The following CES4A variants were observed in gnomAD, a reference collection of about 807,000 sequenced individuals.
CES4A encodes carboxylesterase 4A.
A neutral mutation model predicts 65.4 loss-of-function variants in CES4A; 48 were observed. That is an observed-to-expected ratio of 0.73 (90% confidence interval 0.58 to 0.93). The LOEUF (loss-of-function observed/expected upper bound fraction) is 0.93. Ranked by LOEUF, CES4A falls within the 40% of genes least tolerant of loss-of-function variation. The pLI, the probability that CES4A is intolerant of heterozygous loss-of-function variation, is 0.00. For synonymous variants in CES4A, 247 were observed against 281.8 expected (o/e 0.88, Z 1.24); for missense variants, 685 against 728.5 (o/e 0.94, Z 0.69).
intron 1 of CES4A, among the ~76,000 whole-genome samples, 158 bp from the exon 2 acceptor site, chr16:66,995,470 C>A (rs1411956729): frequency 1.3e-5 from 2 of 152,148 alleles, no homozygotes; most frequent in African/African-American, 4.8e-5. Flanking sequence ...GACAGATGGG[C>A]CAGGGTCCCA....
intron 13 of CES4A, chr16:67,007,158 C>T (rs1186893236): frequency 3.6e-6 from 1 of 277,996 alleles, no homozygotes; most frequent in Non-Finnish European, 6.8e-6. Context: ...CACATAAAAT[C>T]AGGAAATTAC....
rs1380823095 is a variant in CES4A at position 67,000,764 on chromosome 16, G to A, written c.387G>A (p.Gly129=). 3 of 1,549,296 alleles carry A rather than the reference G, an allele frequency of 1.9e-6. No homozygotes were observed. The highest frequency in any genetic ancestry group is 1.8e-4 in the Middle Eastern group (1 of 5,430). Residue 129 remains glycine, a synonymous_variant, in exon 3 of 14, where the codon GGG becomes GGA. Coordinates refer to ENST00000648724, the Ensembl canonical transcript of CES4A. The surrounding 1 kb of genome is among the most constrained non-coding windows in gnomAD (Gnocchi z 4.2). Reference sequence around the variant, plus strand: ...TGTACGCGCCGGCGCGCGCGCCCGGGGATCCCCAGCTGCCAGTGAGTGCCA... The same window carrying A: ...TGTACGCGCCGGCGCGCGCGCCCGGAGATCCCCAGCTGCCAGTGAGTGCCA...
rs763155111 is a variant in CES4A at position 67,009,057 on chromosome 16, TG to T, written c.1604del (p.Gly535AlafsTer2). ...CTGCAGCTGGATTTTACCACAAGAG[TG>T]GGCATGAAGCTCAAGGAGAAGAAGA... On this transcript the variant is annotated frameshift_variant, in exon 14 of 14. Transcript: ENST00000648724. LOFTEE classifies it low-confidence loss of function (END_TRUNC). 1 of 1,613,928 alleles carries T rather than the reference TG, an allele frequency of 6.2e-7. No individual in the cohort carries two copies. The highest frequency in any genetic ancestry group is 1.1e-5 in the South Asian group (1 of 91,078).
chr16:67,007,194 G>C, intron 13 of CES4A: 1 of 201,704 alleles, frequency 5.0e-6, no homozygotes, highest in Non-Finnish European at 1.0e-5. Context: ...GAGCTGTACT[G>C]GGGGAGCACA....
Position 67,000,128 on chromosome 16 carries a change from A to G in CES4A, c.261-510A>G, listed in dbSNP as rs1965165165. Among the ~76,000 whole-genome samples, 1 of 152,188 alleles carries G rather than the reference A, an allele frequency of 6.6e-6. No individual in the cohort carries two copies. The highest frequency in any genetic ancestry group is 2.4e-5 in the African/African-American group (1 of 41,438). On this transcript the variant is annotated intron_variant, in intron 2 of 13. Coordinates refer to ENST00000648724, the Ensembl canonical transcript of CES4A. This position sits in a 1 kb window ranked among gnomAD's most constrained non-coding sequence, Gnocchi z 4.2. The stretch of plus-strand genomic sequence containing the variant: ...TTTTATTGATATATCATAGTTGTAC[A>G]TATTAGGGAAGATATGAAGAAGAGG...
intron 1 of CES4A, 74 bp downstream of exon 1, chr16:66,988,904 A>G (rs1389517039): frequency 2.7e-6 from 4 of 1,492,752 alleles, no homozygotes; most frequent in East Asian, 2.5e-5. Context: ...CCCCAGTTCA[A>G]CCTCTCCTGG....
chr16:67,005,830 C>A, intron 11 of CES4A: 1 of 169,948 alleles, frequency 5.9e-6, no homozygotes, highest in Non-Finnish European at 1.2e-5. Flanking sequence ...GCCTGGGCAA[C>A]AGAGCGAGAC....
intron 2 of CES4A, 77 bp downstream of exon 2, chr16:66,995,906 A>C: frequency 1.4e-4 from 181 of 1,326,408 alleles, no homozygotes; most frequent in Middle Eastern, 2.7e-4. Context: ...TGCACAGCTC[A>C]CTGAGAAGAA....
intron 1 of CES4A, among the ~76,000 whole-genome samples, chr16:66,994,297 C>T (rs1183204483): frequency 2.1e-5 from 3 of 146,218 alleles, no homozygotes; most frequent in East Asian, 2.2e-4. Context: ...AGTGCAGTGG[C>T]GCGATCTCGG....
At chr16:67,009,601 C>T in exon 14 of CES4A, 1 of 157,688 alleles carries the variant, frequency 6.3e-6, no homozygotes, top group Non-Finnish European at 1.4e-5. Context: ...GGCCTGGAGG[C>T]CTAGGGCAGG....
chr16:67,006,209 A>G (rs1387020800), intron 11 of CES4A, 182 bp from the exon 12 acceptor site: 5 of 600,890 alleles, frequency 8.3e-6, no homozygotes, highest in Non-Finnish European at 1.5e-5. Context: ...TCAGAAAGGT[A>G]GAGCAACTTG....
At chr16:67,004,637 G>A (rs1351641814) in intron 9 of CES4A, among the ~76,000 whole-genome samples, 156 bp from the exon 10 acceptor site, 7 of 152,118 alleles carry the variant, frequency 4.6e-5, no homozygotes, top group Admixed American at 3.9e-4. Context: ...TGGGAGCAGG[G>A]GGACAAGAGA....
chr16:66,988,637 C>A, exon 1 of CES4A: 1 of 1,495,238 alleles, frequency 6.7e-7, no homozygotes, highest in Non-Finnish European at 8.9e-7. Flanking sequence ...TTCCTCCCGC[C>A]CCAGTACTTG....
chr16:67,002,111 G>A (rs996030889), intron 5 of CES4A, among the ~76,000 whole-genome samples: 1 of 152,132 alleles, frequency 6.6e-6, no homozygotes, highest in African/African-American at 2.4e-5. Flanking sequence ...ATAAAGAAAC[G>A]AAGGCCCAGA....
chr16:66,999,135 G>T (rs1441084095), intron 2 of CES4A, among the ~76,000 whole-genome samples: 1 of 152,220 alleles, frequency 6.6e-6, no homozygotes, highest in African/African-American at 2.4e-5. Context: ...TGCTGCCAAA[G>T]GAGTGTTGGA....
Position 67,000,478 on chromosome 16 carries a change from G to C in CES4A, c.261-160G>C, listed in dbSNP as rs545224793. The C allele has an allele frequency of 1.3e-5, 19 of 1,423,134 alleles. No individual in the cohort carries two copies. The highest frequency in any genetic ancestry group is 1.6e-5 in the Non-Finnish European group (18 of 1,092,072). The allele number at this position is 1,423,134 out of a possible 1,614,324, so 88.2% of individuals were successfully genotyped here. On this transcript the variant is annotated intron_variant, in intron 2 of 13. Transcript: ENST00000648724. This position sits in a 1 kb window ranked among gnomAD's most constrained non-coding sequence, Gnocchi z 4.2. ...CTGCCTCCCAGTCCTGGGCCCCGGG[G>C]CTGGCGGAGGCCTCCTGTACACGCA... is the stretch of plus-strand genomic sequence containing the variant.
intron 2 of CES4A, among the ~76,000 whole-genome samples, chr16:66,998,476 C>G (rs574391791): frequency 2.0e-5 from 3 of 152,218 alleles, no homozygotes; most frequent in African/African-American, 4.8e-5. Context: ...GTAGTCCTAG[C>G]TACTTGGGAG....
Position 67,001,015 on chromosome 16 carries a change from A to G in CES4A, c.536+25A>G. On this transcript the variant is annotated intron_variant, in intron 4 of 13. Transcript: ENST00000648724. The surrounding 1 kb of genome is among the most constrained non-coding windows in gnomAD (Gnocchi z 4.1). The stretch of plus-strand genomic sequence containing the variant: ...GGTGGCGGGGCCGGTACCCTTTGGG[A>G]CCGCAGCTGTGGCCAGAGCGGCGGG... 1.3e-6 allele frequency: 2 copies of G among 1,483,712 alleles called. No homozygotes were observed. The highest frequency in any genetic ancestry group is 3.7e-5 in the Admixed American group (2 of 54,794). 91.9% of individuals were successfully genotyped at this position (1,483,712 alleles called of 1,614,324 possible).
exon 14 of CES4A, chr16:67,008,990 A>T (rs1275815656): frequency 6.2e-7 from 1 of 1,613,550 alleles, no homozygotes; most frequent in South Asian, 1.1e-5. Context: ...CAATGATGGG[A>T]ATCTGCCCTG....
Sources: allele counts gnomAD v4.1 joint callset (sites outside exome capture counted in the v4.1 genomes callset), GRCh38; gene constraint gnomAD v4.1.1; non-coding constraint Gnocchi (gnomAD v3.1); transcripts MANE v1.5; gene names NCBI Gene and HGNC (gene_info 2026-07-23, HGNC 2026-07-21).